TMEM132D: variants seen among roughly 807,000 people sequenced by gnomAD.
TMEM132D encodes mature OL transmembrane protein.
TMEM132D carries 21 observed loss-of-function variants against 62.3 expected under a neutral mutation model. The ratio of observed to expected loss-of-function variants is 0.34; its 90% CI spans 0.24 to 0.49. TMEM132D has a LOEUF of 0.49. Ranked by LOEUF, TMEM132D falls within the 20% of genes least tolerant of loss-of-function variation. The pLI is 0.99. For synonymous variants in TMEM132D, 621 were observed against 575.6 expected (o/e 1.08, Z -1.13); for missense variants, 1,346 against 1,402.8 (o/e 0.96, Z 0.65).
chr12:129,685,923 C>A (rs1363684035), intron 2 of TMEM132D, among the ~76,000 whole-genome samples: 1 of 152,148 alleles, frequency 6.6e-6, no homozygotes, highest in Admixed American at 6.5e-5. Context: ...TTACATAGGG[C>A]CTGTAGCTCC....
chr12:129,417,863 A>G (rs1307797963), intron 3 of TMEM132D, among the ~76,000 whole-genome samples: 1 of 152,228 alleles, frequency 6.6e-6, no homozygotes. Context: ...CAAGAAAAAA[A>G]CAAACCCCAT....
chr12:129,165,653 T>C (rs910187785), intron 5 of TMEM132D, among the ~76,000 whole-genome samples: 3 of 151,462 alleles, frequency 2.0e-5, no homozygotes, highest in African/African-American at 7.3e-5. Context: ...AATTTGGCCA[T>C]GGGCAGAGCA....
At chr12:129,167,050 C>T (rs1392103239) in intron 5 of TMEM132D, among the ~76,000 whole-genome samples, 3 of 151,582 alleles carry the variant, frequency 2.0e-5, no homozygotes, top group Non-Finnish European at 4.4e-5. Context: ...GGCCCAGATA[C>T]TTTGGAGGCT....
intron 4 of TMEM132D, among the ~76,000 whole-genome samples, chr12:129,249,622 C>T (rs964723972): frequency 1.3e-5 from 2 of 152,116 alleles, no homozygotes; most frequent in African/African-American, 2.4e-5. Context: ...TTGGTAATAG[C>T]GCAGGTAGAC....
rs750780423 is a variant in TMEM132D, at chr12:129,311,685, C to G, written c.1299+25949G>C. 2.6e-5 allele frequency among the ~76,000 whole-genome samples: 4 copies of G among 152,148 alleles called. No individual in the cohort carries two copies. The East Asian group carries it at 7.7e-4, about 29-fold the overall frequency. On this transcript the variant is annotated intron_variant, in intron 4 of 8. Transcript: ENST00000422113. ...TGAAGAAGTTGGTGGTGGGGCGACACTGATTACCTCATTAAGGAAAGCTTG... is the reference window on the plus strand; with the variant it reads ...TGAAGAAGTTGGTGGTGGGGCGACAGTGATTACCTCATTAAGGAAAGCTTG...
intron 5 of TMEM132D, among the ~76,000 whole-genome samples, chr12:129,131,526 G>T (rs1159195468): frequency 1.3e-5 from 2 of 152,192 alleles, no homozygotes; most frequent in African/African-American, 4.8e-5. Context: ...AGAATCGCTT[G>T]AACGCAGGAG....
At chr12:129,162,392 T>C (rs1877423938) in intron 5 of TMEM132D, among the ~76,000 whole-genome samples, 2 of 152,150 alleles carry the variant, frequency 1.3e-5, no homozygotes, top group Admixed American at 6.5e-5. Context: ...AAATGTCTGT[T>C]GTTTAAGCCA....
chr12:129,594,079 C>T (rs941545802), intron 2 of TMEM132D, among the ~76,000 whole-genome samples: 2 of 152,086 alleles, frequency 1.3e-5, no homozygotes, highest in East Asian at 3.8e-4. Flanking sequence ...CTGTGTAAGC[C>T]GGCAGTGCAA....
chr12:129,202,262 G>A (rs1272191128), intron 5 of TMEM132D, among the ~76,000 whole-genome samples: 2 of 152,182 alleles, frequency 1.3e-5, no homozygotes, highest in Non-Finnish European at 2.9e-5. Context: ...GGCTGCACAG[G>A]TGGCTGTGAC....
intron 4 of TMEM132D, among the ~76,000 whole-genome samples, chr12:129,222,924 G>A (rs1236665578): frequency 6.6e-6 from 1 of 152,090 alleles, no homozygotes; most frequent in Non-Finnish European, 1.5e-5. Flanking sequence ...CCAAAAAAAG[G>A]TAACTCTGGG....
At chr12:129,820,743 C>T (rs558159567) in intron 1 of TMEM132D, among the ~76,000 whole-genome samples, 24 of 152,222 alleles carry the variant, frequency 1.6e-4, no homozygotes, top group African/African-American at 5.5e-4. Flanking sequence ...ACAAACTGTT[C>T]CTCAAATTTT....
Position 129,700,636 on chromosome 12 carries a change from G to A in TMEM132D, c.142C>T (p.Pro48Ser), listed in dbSNP as rs1482320452. 6.2e-7 allele frequency: 1 copy of A among 1,614,030 alleles called. No homozygotes were observed. ...GCGTTGTTGATGTGGTAGGTCACGGGGAGGTAGGTGGGCAGCAAGGAAAAC... is the reference window on the plus strand; with the variant it reads ...GCGTTGTTGATGTGGTAGGTCACGGAGAGGTAGGTGGGCAGCAAGGAAAAC... Reference protein sequence around the residue: ...QRFSLLPTYLPVTYHINNADV... With the variant: ...QRFSLLPTYLSVTYHINNADV... The change falls in exon 2 of 9, where the codon CCC (proline) becomes TCC (serine). Residue 48 changes from proline (P) to serine (S), a missense_variant. Transcript: ENST00000422113.
chr12:129,264,057 C>A (rs1158364375), intron 4 of TMEM132D, among the ~76,000 whole-genome samples: 1 of 152,142 alleles, frequency 6.6e-6, no homozygotes, highest in Non-Finnish European at 1.5e-5. Context: ...TGGCCGTCAC[C>A]TGCAGGCAGC....
intron 3 of TMEM132D, among the ~76,000 whole-genome samples, chr12:129,463,022 C>A (rs1487235721): frequency 6.6e-6 from 1 of 152,166 alleles, no homozygotes; most frequent in African/African-American, 2.4e-5. Flanking sequence ...ATTTGAAAGT[C>A]TTAAAGAATC....
intron 2 of TMEM132D, among the ~76,000 whole-genome samples, chr12:129,552,539 C>T (rs1428873504): frequency 2.7e-5 from 4 of 146,226 alleles, no homozygotes; most frequent in Non-Finnish European, 6.1e-5. Flanking sequence ...ATCTAACTAC[C>T]TACCTATTAT....
intron 3 of TMEM132D, among the ~76,000 whole-genome samples, chr12:129,485,918 TG>T (rs1941097505): frequency 6.6e-6 from 1 of 152,214 alleles, no homozygotes. Flanking sequence ...TATCTAGACA[TG>T]TTGTGTGTAG....
rs1874075612 is a variant in TMEM132D, at chr12:129,071,850, C to G, written c.*2025G>C. On this transcript the variant is annotated 3_prime_UTR_variant, in exon 9 of 9. Transcript: ENST00000422113. ...AGCGGGCAGCGGCTGCAGTATTCAACAGAACATGACACAGGTAAGAATGGA... is the reference window on the plus strand; with the variant it reads ...AGCGGGCAGCGGCTGCAGTATTCAAGAGAACATGACACAGGTAAGAATGGA... 1 of 152,202 alleles carries G rather than the reference C, an allele frequency of 6.6e-6. No homozygotes were observed. Among genetic ancestry groups the G allele is most frequent in the Non-Finnish European group, 1.5e-5 (1 of 68,034 alleles). 9.4% of individuals were successfully genotyped at this position (152,202 alleles called of 1,614,324 possible).
At chr12:129,788,462 T>C (rs1871302976) in intron 1 of TMEM132D, among the ~76,000 whole-genome samples, 1 of 152,200 alleles carries the variant, frequency 6.6e-6, no homozygotes, top group South Asian at 2.1e-4. Flanking sequence ...TAACTATTTT[T>C]CAAAGGAAAT....
At chr12:129,392,435 C>T (rs1871313098) in intron 3 of TMEM132D, among the ~76,000 whole-genome samples, 2 of 152,200 alleles carry the variant, frequency 1.3e-5, no homozygotes, top group African/African-American at 4.8e-5. Flanking sequence ...GGAGCCATTT[C>T]CAGAATCTGC....
Sources: gnomAD v4.1 joint callset for allele counts (sites outside exome capture counted in the v4.1 genomes callset) on GRCh38, gnomAD v4.1.1 for gene constraint, MANE v1.5 for transcripts, NCBI Gene and HGNC (gene_info 2026-07-23, HGNC 2026-07-21) for gene names.